The following ZNF799 variants were observed in gnomAD, a reference collection of about 807,000 sequenced individuals.
ZNF799 encodes zinc finger protein 14.
Under a neutral mutation model 41.0 loss-of-function variants are expected in ZNF799, and 28 were observed. The ratio of observed to expected loss-of-function variants is 0.68; its 90% CI spans 0.51 to 0.94. The LOEUF is 0.94. Among genes scored for constraint, ZNF799 ranks in the 40% least tolerant of loss-of-function variants. The pLI is 0.00. For synonymous variants in ZNF799, 213 were observed against 252.9 expected (o/e 0.84, Z 1.50); for missense variants, 716 against 764.3 (o/e 0.94, Z 0.74).
At chr19:12,406,377 G>A in the ZNF799 span, among the ~76,000 whole-genome samples, 1 of 151,052 alleles carries the variant, frequency 6.6e-6, no homozygotes, top group Admixed American at 6.6e-5. Flanking sequence ...CCAGCTACTT[G>A]GGAGGCTGAG....
At chr19:12,405,707 A>G (rs1043884364), upstream of ZNF799, among the ~76,000 whole-genome samples, 5 of 152,230 alleles carry the variant, frequency 3.3e-5, no homozygotes, top group East Asian at 9.6e-4. Flanking sequence ...TGAAAATGTT[A>G]CTAAACAAAT....
At chr19:12,408,067 G>T in the ZNF799 span, among the ~76,000 whole-genome samples, 1 of 151,808 alleles carries the variant, frequency 6.6e-6, no homozygotes, top group African/African-American at 2.4e-5. Context: ...GAGGCAGTGG[G>T]ATCTTGAGCC....
chr19:12,409,265 C>T, the ZNF799 span, among the ~76,000 whole-genome samples: 2 of 152,136 alleles, frequency 1.3e-5, no homozygotes, highest in African/African-American at 4.8e-5. Flanking sequence ...AATCTAATAC[C>T]GCCACTGGTT....
At chr19:12,409,082 C>T in the ZNF799 span, among the ~76,000 whole-genome samples, 2 of 151,466 alleles carry the variant, frequency 1.3e-5, no homozygotes, top group African/African-American at 4.8e-5. Context: ...ACCTTTTTGG[C>T]GCCAGGGACT....
the ZNF799 span, among the ~76,000 whole-genome samples, chr19:12,410,646 A>G: frequency 6.6e-6 from 1 of 152,174 alleles, no homozygotes; most frequent in African/African-American, 2.4e-5. Context: ...CAAGATATCA[A>G]TTAAAAACAT....
chr19:12,407,097 G>A, the ZNF799 span, among the ~76,000 whole-genome samples: 1 of 152,122 alleles, frequency 6.6e-6, no homozygotes, highest in Non-Finnish European at 1.5e-5. Flanking sequence ...AAGGATGAGA[G>A]AATGTGTGAC....
upstream of ZNF799, among the ~76,000 whole-genome samples, chr19:12,406,191 A>C (rs1045189616): frequency 2.6e-5 from 4 of 151,106 alleles, no homozygotes; most frequent in South Asian, 8.3e-4. Context: ...AAAAAGAAAA[A>C]AAAAAAGGCC....
rs553857687 is a variant in ZNF799, at chr19:12,392,201, C to G, written c.197G>C (p.Arg66Pro). The change falls in exon 4 of 4, where the codon CGT (arginine) becomes CCT (proline). Residue 66 changes from arginine to proline, a missense_variant. Arg to Pro is a moderately radical substitution (Grantham distance 103). Coordinates refer to ENST00000430385, the MANE Select transcript of ZNF799 (RefSeq NM_001080821.3). ...ACTTTCAACAAATCTCTCTAACATA[C>G]GACATCTGTAAAAAATGGGAAATAT... Reference protein sequence around the residue: ...YRYPRKNLRCRMLERFVESKD... With the variant: ...YRYPRKNLRCPMLERFVESKD... 8.4e-6 allele frequency: 13 copies of G among 1,555,816 alleles called. No homozygotes were observed. The highest frequency in any genetic ancestry group is 1.1e-5 in the Non-Finnish European group (13 of 1,151,640).
At chr19:12,392,807 A>G in intron 2 of ZNF799, 144 bp from the exon 3 acceptor site, 1 of 603,558 alleles carries the variant, frequency 1.7e-6, no homozygotes, top group Non-Finnish European at 2.9e-6. Context: ...GAACTGCACA[A>G]GTCCATTTGT....
In ZNF799 at chr19:12,396,751, C is replaced by A. The variant is rs72489423; in HGVS notation, c.4-3328G>T. Among the ~76,000 whole-genome samples, 115 of 142,624 alleles carry A rather than the reference C, an allele frequency of 8.1e-4. 1 individual carries two copies. The highest frequency in any genetic ancestry group is 7.7e-4 in the Admixed American group (11 of 14,208). 93.6% of individuals were successfully genotyped at this position (142,624 alleles called of 152,430 possible). The stretch of plus-strand genomic sequence containing the variant: ...CAAGTGTTCAAAAGATGTGAGCAGC[C>A]AAAAAAAAAAAATCAGTTAAAATGA... On this transcript the variant is annotated intron_variant, in intron 1 of 3. Transcript: ENST00000430385.
chr19:12,394,801 C>T (rs1488902858), intron 1 of ZNF799: 1 of 985,178 alleles, frequency 1.0e-6, no homozygotes, highest in African/African-American at 1.7e-5. Context: ...TAATAGAACT[C>T]ACAGTATCTA....
the ZNF799 span, among the ~76,000 whole-genome samples, chr19:12,413,445 T>C: frequency 6.6e-6 from 1 of 152,170 alleles, no homozygotes; most frequent in African/African-American, 2.4e-5. Context: ...TCTACCTCAA[T>C]AGCCTTAATT....
chr19:12,411,593 G>GT, the ZNF799 span, among the ~76,000 whole-genome samples: 2 of 148,456 alleles, frequency 1.3e-5, no homozygotes, highest in Non-Finnish European at 3.0e-5. Context: ...TATTGCCCCA[G>GT]TTTCCATTTT....
chr19:12,404,090 T>A (rs1436351403), upstream of ZNF799, among the ~76,000 whole-genome samples: 1 of 152,236 alleles, frequency 6.6e-6, no homozygotes, highest in Non-Finnish European at 1.5e-5. Flanking sequence ...ATTTCTAGTT[T>A]ATTCCATGTA....
chr19:12,407,322 G>A, the ZNF799 span, among the ~76,000 whole-genome samples: 1 of 152,000 alleles, frequency 6.6e-6, no homozygotes, highest in Non-Finnish European at 1.5e-5. Flanking sequence ...AATTAGCCAG[G>A]CATGGTGGTG....
chr19:12,401,207 T>C lies in ZNF799; in HGVS notation c.-137A>G. 3.2e-6 allele frequency: 5 copies of C among 1,541,808 alleles called. No homozygotes were observed. In the Admixed American group the frequency reaches 7.9e-5, roughly 24 times the overall value. On this transcript the variant is annotated 5_prime_UTR_variant, in exon 1 of 4. Coordinates refer to ENST00000430385, the MANE Select transcript of ZNF799 (RefSeq NM_001080821.3). ...CCGAGCACCGAGCGCCCAGCGCAGG[T>C]GGGTGGAGAAGACGCCGCGGGCTTT...
intron 1 of ZNF799, among the ~76,000 whole-genome samples, chr19:12,397,448 C>T (rs1297092374): frequency 6.7e-6 from 1 of 150,364 alleles, no homozygotes; most frequent in East Asian, 1.9e-4. Flanking sequence ...ACCTGTAGTC[C>T]CAGCTACTCA....
rs770555351 is a variant in ZNF799, at chr19:12,390,779, G to A, written c.1619C>T (p.Ala540Val). 1.2e-6 allele frequency: 2 copies of A among 1,614,172 alleles called. No homozygotes were observed. Among genetic ancestry groups the A allele is most frequent in the South Asian group, 2.2e-5 (2 of 91,082 alleles). Residue 540 changes from alanine to valine, a missense_variant, in exon 4 of 4, where the codon GCA (alanine) becomes GTA (valine). By Grantham distance (64) the Ala-to-Val change is moderately conservative. Coordinates refer to ENST00000430385, the MANE Select transcript of ZNF799 (RefSeq NM_001080821.3). ...KPYECKECGK[A>V]FSWLTCFLRH... is the part of the protein sequence containing the mutation. ...TAGAAAGCAAGTGAGCCAAGAGAAT[G>A]CTTTCCCACATTCCTTACATTCATA...
chr19:12,391,854 C>T lies in ZNF799; in HGVS notation c.544G>A (p.Gly182Arg). 1.2e-6 allele frequency: 2 copies of T among 1,614,084 alleles called. No individual in the cohort carries two copies. Among genetic ancestry groups the T allele is most frequent in the African/African-American group, 1.3e-5 (1 of 75,014 alleles). Residue 182 changes from glycine (G) to arginine (R), a missense_variant, in exon 4 of 4, where the codon GGA becomes AGA. Transcript: ENST00000430385. ...KECGKSFSSL[G>R]NLQRHMAVQR... ...ACTGCCATGTGTCTTTGAAGGTTTCCCAAAGAACTGAAGGACTTCCCACAT... is the reference window on the plus strand; with the variant it reads ...ACTGCCATGTGTCTTTGAAGGTTTCTCAAAGAACTGAAGGACTTCCCACAT...
Sources: allele counts gnomAD v4.1 joint callset (sites outside exome capture counted in the v4.1 genomes callset), GRCh38; gene constraint gnomAD v4.1.1; transcripts MANE v1.5; gene names NCBI Gene and HGNC (gene_info 2026-07-23, HGNC 2026-07-21).